Variants in STT3B observed in about 807,000 individuals in gnomAD.
STT3B encodes STT3 oligosaccharyltransferase complex catalytic subunit B, also known as dolichyl-diphosphooligosaccharide--protein glycosyltransferase subunit STT3B.
A neutral mutation model predicts 96.8 loss-of-function variants in STT3B; 29 were observed. That is an observed-to-expected ratio of 0.30 (90% CI 0.22 to 0.41). The LOEUF is 0.41. Among genes scored for constraint, STT3B ranks in the 10% least tolerant of loss-of-function variants. The pLI, the probability that STT3B is intolerant of heterozygous loss-of-function variation, is 1.00. For missense variants in STT3B, 640 were observed against 1,022.3 expected, an observed-to-expected ratio of 0.63 and a Z score of 5.10; for synonymous variants, 367 against 360.0, an observed-to-expected ratio of 1.02 and a Z score of -0.22.
chr3:31,551,094 G>C (rs762267604), intron 1 of STT3B, among the ~76,000 whole-genome samples: 7 of 152,098 alleles, frequency 4.6e-5, no homozygotes, highest in Non-Finnish European at 8.8e-5. Flanking sequence ...AATAATCCTT[G>C]AGGTGTTCTA....
chr3:31,597,152 A>T (rs948051326), intron 4 of STT3B, among the ~76,000 whole-genome samples: 4 of 151,954 alleles, frequency 2.6e-5, no homozygotes, highest in African/African-American at 9.7e-5. Flanking sequence ...TTTTAAGATT[A>T]TATTCATTAT....
At chr3:31,555,506 T>C (rs1377575798) in intron 1 of STT3B, among the ~76,000 whole-genome samples, 1 of 152,154 alleles carries the variant, frequency 6.6e-6, no homozygotes, top group African/African-American at 2.4e-5. Flanking sequence ...TTCTCCTTGA[T>C]AGTTCTGTTA....
chr3:31,541,776 C>T (rs969820230), intron 1 of STT3B, among the ~76,000 whole-genome samples: 4 of 152,000 alleles, frequency 2.6e-5, no homozygotes, highest in African/African-American at 4.8e-5. Flanking sequence ...CGAGGTTTCA[C>T]CGTGTTAGCC....
chr3:31,587,091 G>A (rs910764055), intron 3 of STT3B, among the ~76,000 whole-genome samples: 37 of 151,878 alleles, frequency 2.4e-4, no homozygotes, highest in African/African-American at 8.2e-4. Flanking sequence ...TTTAAGCACC[G>A]AAAGCTATAA....
intron 14 of STT3B, among the ~76,000 whole-genome samples, chr3:31,632,496 C>A (rs1400999393): frequency 6.6e-6 from 1 of 151,842 alleles, no homozygotes; most frequent in African/African-American, 2.4e-5. Context: ...AAAATATTTC[C>A]CTGAAGGGGG....
intron 3 of STT3B, among the ~76,000 whole-genome samples, chr3:31,584,851 C>G (rs1291323674): frequency 2.0e-5 from 3 of 152,018 alleles, no homozygotes; most frequent in Non-Finnish European, 2.9e-5. Flanking sequence ...TCTTAAGATA[C>G]AGAAAACGTT....
intron 1 of STT3B, among the ~76,000 whole-genome samples, chr3:31,533,891 G>C (rs148402581): frequency 3.3e-5 from 5 of 152,314 alleles, no homozygotes; most frequent in African/African-American, 4.8e-5. Context: ...TTCTTTTTAT[G>C]CTCTCATGAT....
chr3:31,627,504 T>C (rs1298540519), intron 13 of STT3B, among the ~76,000 whole-genome samples: 4 of 152,220 alleles, frequency 2.6e-5, no homozygotes, highest in South Asian at 4.1e-4. Context: ...TGTGAGCTTT[T>C]AGAAGATGGA....
intron 13 of STT3B, among the ~76,000 whole-genome samples, chr3:31,628,047 G>A (rs1370254645): frequency 2.6e-5 from 4 of 151,504 alleles, no homozygotes; most frequent in Non-Finnish European, 4.4e-5. Context: ...TAATAACAAT[G>A]TATTGTGTAC....
At chr3:31,572,117 ATC>A (rs1225148256) in intron 1 of STT3B, among the ~76,000 whole-genome samples, 1 of 135,518 alleles carries the variant, frequency 7.4e-6, no homozygotes, top group Non-Finnish European at 1.5e-5. Flanking sequence ...TATATTATAT[ATC>A]TCAAAAAGGA....
At chr3:31,629,259 A>G in intron 13 of STT3B, 39 bp from the exon 14 acceptor site, 1 of 1,121,502 alleles carries the variant, frequency 8.9e-7, no homozygotes, top group Non-Finnish European at 1.3e-6. Context: ...GAATATGTTA[A>G]CTTGAACTAA....
chr3:31,573,180 CTA>C (rs893429726), intron 1 of STT3B, among the ~76,000 whole-genome samples: 3 of 152,016 alleles, frequency 2.0e-5, no homozygotes, highest in African/African-American at 7.2e-5. Flanking sequence ...TGAGATGAGA[CTA>C]GAGTTATGTA....
chr3:31,560,932 C>A (rs1052337362), intron 1 of STT3B, among the ~76,000 whole-genome samples: 4 of 151,908 alleles, frequency 2.6e-5, no homozygotes, highest in African/African-American at 9.7e-5. Context: ...AGACTTTGTT[C>A]ATGTTTTTAA....
At chr3:31,563,969 A>G (rs1453749034) in intron 1 of STT3B, among the ~76,000 whole-genome samples, 2 of 152,056 alleles carry the variant, frequency 1.3e-5, no homozygotes, top group Non-Finnish European at 2.9e-5. Flanking sequence ...GTTTCTGTAT[A>G]CAATACTAAA....
At chr3:31,628,412 GATTT>G (rs768177707) in intron 13 of STT3B, among the ~76,000 whole-genome samples, 3 of 152,072 alleles carry the variant, frequency 2.0e-5, no homozygotes, top group Non-Finnish European at 4.4e-5. Flanking sequence ...GTGTGTGCAT[GATTT>G]ATTTAACCTG....
chr3:31,590,030 G>T (rs10452006), intron 3 of STT3B, among the ~76,000 whole-genome samples: 22 of 151,816 alleles, frequency 1.4e-4, no homozygotes, highest in Non-Finnish European at 2.8e-4. Context: ...TAATGACATC[G>T]TATTATTCAG....
chr3:31,591,234 C>T (rs1404419796), intron 3 of STT3B, among the ~76,000 whole-genome samples: 1 of 152,006 alleles, frequency 6.6e-6, no homozygotes, highest in Non-Finnish European at 1.5e-5. Context: ...TTCTCTTTAT[C>T]TCTAGGAATG....
intron 14 of STT3B, among the ~76,000 whole-genome samples, chr3:31,632,405 TTAA>T (rs1699682484): frequency 6.6e-6 from 1 of 152,176 alleles, no homozygotes; most frequent in Admixed American, 6.5e-5. Flanking sequence ...AGTAAAGATG[TTAA>T]TAATATATGT....
chr3:31,598,912 C>T (rs1005161624), intron 4 of STT3B, among the ~76,000 whole-genome samples: 4 of 151,730 alleles, frequency 2.6e-5, no homozygotes, highest in Admixed American at 2.0e-4. Context: ...TGGGTTCAAG[C>T]GATTCTCCTG....
Sources: allele counts gnomAD v4.1 joint callset (sites outside exome capture counted in the v4.1 genomes callset), GRCh38; gene constraint gnomAD v4.1.1; transcripts MANE v1.5; gene names NCBI Gene and HGNC (gene_info 2026-07-23, HGNC 2026-07-21).